ADCY10: variants seen among roughly 807,000 people sequenced by gnomAD.
ADCY10 encodes the protein adenylate cyclase type 10.
ADCY10 carries 156 observed loss-of-function variants against 183.3 expected under a neutral mutation model. The ratio of observed to expected loss-of-function variants is 0.85; its 90% CI spans 0.75 to 0.97. The LOEUF (loss-of-function observed/expected upper bound fraction) is 0.97, where lower values mean the gene tolerates loss of function less well. Among genes scored for constraint, ADCY10 ranks in the 50% least tolerant of loss-of-function variants. ADCY10 has a pLI of 0.00. For missense variants in ADCY10, 1,745 were observed against 1,934.3 expected (o/e 0.90, Z 1.84); for synonymous variants, 645 against 670.0 (o/e 0.96, Z 0.58).
chr1:167,840,940 ATT>A (rs377437888), intron 21 of ADCY10, among the ~76,000 whole-genome samples: 124 of 124,120 alleles, frequency 1.0e-3, no homozygotes, highest in East Asian at 3.1e-3. Flanking sequence ...GAATAAAATG[ATT>A]TTTTTTTTTT....
At chr1:167,863,411 C>G (rs775315652) in intron 14 of ADCY10, among the ~76,000 whole-genome samples, 6 of 152,120 alleles carry the variant, frequency 3.9e-5, no homozygotes, top group Non-Finnish European at 8.8e-5. Flanking sequence ...CCCTCTCATG[C>G]GGACCCCCTT....
intron 21 of ADCY10, 105 bp from the exon 22 acceptor site, chr1:167,837,423 G>T: frequency 1.0e-6 from 1 of 993,908 alleles, no homozygotes; most frequent in Non-Finnish European, 1.6e-6. Context: ...AGTTGTTGCT[G>T]CCCAGCCAGA....
intron 8 of ADCY10, among the ~76,000 whole-genome samples, chr1:167,885,122 AT>A (rs1039041300): frequency 7.4e-6 from 1 of 135,582 alleles, no homozygotes; most frequent in Non-Finnish European, 1.6e-5. Context: ...GACAGATCTC[AT>A]TTTTTTTATG....
intron 19 of ADCY10, among the ~76,000 whole-genome samples, chr1:167,847,394 A>T (rs910548611): frequency 6.7e-6 from 1 of 148,850 alleles, no homozygotes; most frequent in African/African-American, 2.5e-5. Flanking sequence ...CTTTAAAAGA[A>T]TAATAATACA....
At chr1:167,825,257 T>C (rs1221677145) in intron 26 of ADCY10, among the ~76,000 whole-genome samples, 4 of 152,038 alleles carry the variant, frequency 2.6e-5, no homozygotes, top group Non-Finnish European at 5.9e-5. Flanking sequence ...ATGTTTGTTA[T>C]AACAAGCATG....
At chr1:167,822,494 G>T (rs1439965531) in intron 29 of ADCY10, among the ~76,000 whole-genome samples, 1 of 152,132 alleles carries the variant, frequency 6.6e-6, no homozygotes, top group Admixed American at 6.5e-5. Context: ...AAGATCACAT[G>T]TGGGGAAAAC....
At chr1:167,873,638 A>C (rs1667253506) in intron 13 of ADCY10, among the ~76,000 whole-genome samples, 1 of 152,178 alleles carries the variant, frequency 6.6e-6, no homozygotes, top group Admixed American at 6.5e-5. Flanking sequence ...TCCCCTGTCT[A>C]ATCTCGAGTT....
chr1:167,824,745 CA>C lies in ADCY10; in HGVS notation c.3860del (p.Leu1287ArgfsTer22). 1.2e-6 allele frequency: 2 copies of C among 1,614,174 alleles called. No individual in the cohort carries two copies. The highest frequency in any genetic ancestry group is 1.7e-6 in the Non-Finnish European group (2 of 1,180,020). On this transcript the variant is annotated frameshift_variant, in exon 27 of 33. Coordinates refer to ENST00000367851, the MANE Select transcript of ADCY10 (RefSeq NM_018417.6). LOFTEE classifies it high-confidence loss of function. Reference protein sequence around the residue: ...MAMEHIFNLPLKGEGIEIVAY... With the variant: ...MAMEHIFNLPXKGEGIEIVAY... ...CCACGATTTCAATGCCCTCGCCTTT[CA>C]GGGGGAGGTTGAAGATGTGCTCCAT...
intron 24 of ADCY10, 25 bp from the exon 25 acceptor site, chr1:167,833,187 A>C: frequency 1.2e-6 from 2 of 1,602,980 alleles, no homozygotes; most frequent in Non-Finnish European, 1.7e-6. Context: ...GAGGGAAGAG[A>C]GGAAAAGAGG....
intron 8 of ADCY10, among the ~76,000 whole-genome samples, chr1:167,892,040 C>T (rs1213638194): frequency 1.3e-5 from 2 of 150,878 alleles, no homozygotes; most frequent in Admixed American, 6.6e-5. Flanking sequence ...GTGGAGCAAT[C>T]TCGGCTCACT....
chr1:167,838,556 C>CG (rs1664394647), intron 21 of ADCY10, among the ~76,000 whole-genome samples: 1 of 152,212 alleles, frequency 6.6e-6, no homozygotes, highest in Non-Finnish European at 1.5e-5. Flanking sequence ...GGCTACTATT[C>CG]GTCTACCAAC....
intron 14 of ADCY10, among the ~76,000 whole-genome samples, chr1:167,863,431 A>G (rs1394624681): frequency 1.3e-5 from 2 of 152,010 alleles, no homozygotes; most frequent in Non-Finnish European, 1.5e-5. Flanking sequence ...TAGAGTTGTG[A>G]GCCCTTAAAA....
chr1:167,906,060 A>ACCAG (rs1669790872), intron 1 of ADCY10, among the ~76,000 whole-genome samples: 2 of 152,194 alleles, frequency 1.3e-5, no homozygotes, highest in African/African-American at 4.8e-5. Flanking sequence ...TTTAATTCTG[A>ACCAG]CCAGCAGAGA....
chr1:167,883,956 A>T (rs1553276263), intron 8 of ADCY10, among the ~76,000 whole-genome samples: 1 of 152,214 alleles, frequency 6.6e-6, no homozygotes, highest in Non-Finnish European at 1.5e-5. Context: ...AAAAAAATTT[A>T]AAATTTTTTA....
In ADCY10 at chr1:167,875,488, C is replaced by T. The variant is rs376268178; in HGVS notation, c.1407-302G>A. 1.8e-4 allele frequency among the ~76,000 whole-genome samples: 28 copies of T among 152,310 alleles called. No homozygotes were observed. In the East Asian group the frequency reaches 4.4e-3, roughly 24 times the overall value. ...CTGGGGAGATCAGACACCTGATATA[C>T]GACCCAGTAGATTTCAATGTGGTGC... On this transcript the variant is annotated intron_variant, in intron 12 of 32. Transcript: ENST00000367851.
At chr1:167,863,184 G>C (rs1029641014) in intron 14 of ADCY10, among the ~76,000 whole-genome samples, 2 of 152,186 alleles carry the variant, frequency 1.3e-5, no homozygotes, top group African/African-American at 4.8e-5. Flanking sequence ...CTAGGAACCA[G>C]ACCCGAAACC....
intron 8 of ADCY10, among the ~76,000 whole-genome samples, chr1:167,885,308 A>C (rs542461275): frequency 1.3e-5 from 2 of 152,262 alleles, no homozygotes; most frequent in South Asian, 4.2e-4. Flanking sequence ...TGTATCTAGG[A>C]GTAGAATTTC....
At chr1:167,876,824 C>T (rs368282935) in intron 12 of ADCY10, among the ~76,000 whole-genome samples, 2 of 152,202 alleles carry the variant, frequency 1.3e-5, no homozygotes, top group African/African-American at 4.8e-5. Context: ...TATCTGCAAA[C>T]ATAAGACATA....
chr1:167,819,551 TTTTA>T (rs1437354085), intron 30 of ADCY10, among the ~76,000 whole-genome samples: 3 of 142,458 alleles, frequency 2.1e-5, no homozygotes, highest in Non-Finnish European at 4.8e-5. Flanking sequence ...CTTATGATTT[TTTTA>T]TTTTTTATTT....
Sources: gnomAD v4.1 joint callset for allele counts (sites outside exome capture counted in the v4.1 genomes callset) on GRCh38, gnomAD v4.1.1 for gene constraint, MANE v1.5 for transcripts, NCBI Gene and HGNC (gene_info 2026-07-23, HGNC 2026-07-21) for gene names.